PNPLA7: variants seen among roughly 807,000 people sequenced by gnomAD.
PNPLA7 encodes the protein patatin like domain 7, lysophospholipase, also known as patatin-like phospholipase domain-containing protein 7.
A neutral mutation model predicts 161.7 loss-of-function variants in PNPLA7; 153 were observed. That is an observed-to-expected ratio of 0.95 (90% CI 0.83 to 1.08). The LOEUF (loss-of-function observed/expected upper bound fraction) is 1.08, where lower values mean the gene tolerates loss of function less well. PNPLA7 is among the 50% of genes least tolerant of loss of function. PNPLA7 has a pLI of 0.00. For synonymous variants in PNPLA7, 809 were observed against 782.1 expected (o/e 1.03, Z -0.57); for missense variants, 1,739 against 1,856.6 (o/e 0.94, Z 1.16).
At chr9:137,505,163 G>C (rs1023450686) in intron 14 of PNPLA7, among the ~76,000 whole-genome samples, 1 of 133,924 alleles carries the variant, frequency 7.5e-6, no homozygotes, top group African/African-American at 2.8e-5. Flanking sequence ...ACTCCAGCCT[G>C]GGCGATACTG....
intron 31 of PNPLA7, 52 bp downstream of exon 31, chr9:137,462,127 G>T: frequency 2.6e-6 from 4 of 1,526,814 alleles, no homozygotes; most frequent in Non-Finnish European, 3.5e-6. Flanking sequence ...AGGAGGGGCA[G>T]CCACCAGAGT....
intron 12 of PNPLA7, among the ~76,000 whole-genome samples, chr9:137,508,143 T>C (rs1287614947): frequency 1.3e-5 from 2 of 151,900 alleles, no homozygotes; most frequent in Non-Finnish European, 2.9e-5. Context: ...GGTGGATCAT[T>C]TGAGCCCAGG....
chr9:137,542,403 C>T (rs1391790066), intron 7 of PNPLA7, among the ~76,000 whole-genome samples: 2 of 152,090 alleles, frequency 1.3e-5, no homozygotes, highest in Non-Finnish European at 2.9e-5. Flanking sequence ...CCCAGGAAGT[C>T]CAGGCCTCAG....
At chr9:137,512,258 G>A (rs1834277179) in intron 12 of PNPLA7, among the ~76,000 whole-genome samples, 1 of 152,384 alleles carries the variant, frequency 6.6e-6, no homozygotes, top group South Asian at 2.1e-4. Context: ...ACGCACAGAC[G>A]TAAACATTCA....
At chr9:137,534,977 A>G (rs577857880) in intron 8 of PNPLA7, among the ~76,000 whole-genome samples, 1 of 152,212 alleles carries the variant, frequency 6.6e-6, no homozygotes, top group East Asian at 1.9e-4. Flanking sequence ...AGTCCCTCCA[A>G]CCGCACGTTT....
At chr9:137,464,973 T>C (rs1208942376) in intron 26 of PNPLA7, among the ~76,000 whole-genome samples, 1 of 152,010 alleles carries the variant, frequency 6.6e-6, no homozygotes, top group Non-Finnish European at 1.5e-5. Flanking sequence ...TCTCTTGGGT[T>C]CCTTCTGGGT....
chr9:137,514,336 C>CT, intron 12 of PNPLA7, among the ~76,000 whole-genome samples: 1 of 76,344 alleles, frequency 1.3e-5, no homozygotes, highest in Non-Finnish European at 2.6e-5. Context: ...GCCCGGGCCC[C>CT]GTGGCCGGGC....
In PNPLA7 at chr9:137,505,693, T is replaced by C. The variant is rs1428506406; in HGVS notation, c.1394A>G (p.Asp465Gly). ...TVSQHSESHT[D>G]ETLASRKSDA... ...CGACTTCCTGCTGGCCAGGGTCTCA[T>C]CCGTGTGACTCTCTGAGTGCTGGGA... The change falls in exon 14 of 35, where the codon GAT (aspartate) becomes GGT (glycine). Residue 465 changes from aspartate to glycine, a missense_variant. By Grantham distance (94) the Asp-to-Gly change is moderately conservative. This residue lies in a region of PNPLA7 where 481 missense variants were observed against 450.0 expected (regional missense o/e 1.07). Coordinates refer to ENST00000406427, the MANE Select transcript of PNPLA7 (RefSeq NM_001098537.3). 10 of 1,614,004 alleles carry C rather than the reference T, an allele frequency of 6.2e-6. No individual in the cohort carries two copies. Among genetic ancestry groups the C allele is most frequent in the Non-Finnish European group, 8.5e-6 (10 of 1,180,038 alleles).
At chr9:137,546,775 A>C in intron 4 of PNPLA7, 55 bp downstream of exon 4, 1 of 1,560,216 alleles carries the variant, frequency 6.4e-7, no homozygotes, top group Non-Finnish European at 8.8e-7. Flanking sequence ...GGTCCCTCCC[A>C]CAGGGGCCTG....
In PNPLA7 at chr9:137,520,128, G is replaced by T; in HGVS notation, c.958-85C>A. 6.4e-7 allele frequency: 1 copy of T among 1,568,688 alleles called. No homozygotes were observed. Among genetic ancestry groups the T allele is most frequent in the South Asian group, 1.2e-5 (1 of 86,732 alleles). ...TGTGGGCTCCTCAAAGGTGTGACAG[G>T]TGTGGGCTCCTCAAAGGTGTGACAG... is the stretch of plus-strand genomic sequence containing the variant. On this transcript the variant is annotated intron_variant, in intron 10 of 34. Transcript: ENST00000406427. This position sits in a 1 kb window ranked among gnomAD's most constrained non-coding sequence, Gnocchi z 5.2.
chr9:137,484,895 C>T (rs967612734), intron 20 of PNPLA7, among the ~76,000 whole-genome samples, 159 bp from the exon 21 acceptor site: 36 of 151,706 alleles, frequency 2.4e-4, no homozygotes, highest in African/African-American at 7.5e-4. Context: ...CTGGCCCTCC[C>T]GCCTCCCCAG....
chr9:137,462,434 G>C, intron 30 of PNPLA7, 103 bp from the exon 31 acceptor site: 1 of 1,500,396 alleles, frequency 6.7e-7, no homozygotes, highest in Non-Finnish European at 8.9e-7. Context: ...CTCTGGGGTA[G>C]GTAGGTTCTG....
Position 137,541,386 on chromosome 9 carries a change from A to G in PNPLA7, c.667-664T>C. The G allele has an allele frequency of 1.0e-6, 1 of 982,070 alleles. No homozygotes were observed. Among genetic ancestry groups the G allele is most frequent in the Non-Finnish European group, 1.2e-6 (1 of 826,960 alleles). The allele number at this position is 982,070 out of a possible 1,614,324, so 60.8% of individuals were successfully genotyped here. A position where few individuals can be genotyped will look rare whatever the true frequency, so the allele number is the denominator to read the frequency against. ...AAGCCCCTTTCCCTTCTAATAACCC[A>G]TCAAGTCCAGCCACAGACAAAGCGA... On this transcript the variant is annotated intron_variant, in intron 7 of 34. Transcript: ENST00000406427. This position sits in a 1 kb window ranked among gnomAD's most constrained non-coding sequence, Gnocchi z 4.4.
In PNPLA7 at chr9:137,501,689, G is replaced by T; in HGVS notation, c.1512C>A (p.His504Gln). The T allele has an allele frequency of 6.2e-7, 1 of 1,612,602 alleles. No individual in the cohort carries two copies. The highest frequency in any genetic ancestry group is 8.5e-7 in the Non-Finnish European group (1 of 1,179,880). ...SLLDGRVALLHVPAGTVVSRQ... is the reference protein window; with the variant it reads ...SLLDGRVALLQVPAGTVVSRQ... ...TTGACACCACCGTGCCTGCAGGAACGTGCAGAAGCGCCACCCGGCCATCCA... is the reference window on the plus strand; with the variant it reads ...TTGACACCACCGTGCCTGCAGGAACTTGCAGAAGCGCCACCCGGCCATCCA... Residue 504 changes from histidine (H) to glutamine (Q), a missense_variant, in exon 15 of 35, where the codon CAC (histidine) becomes CAA (glutamine). His to Gln is a conservative substitution (Grantham distance 24). Around this residue, in one of 6 missense-constraint regions of PNPLA7, gnomAD observed 481 missense variants for 450.0 expected, o/e 1.07. Coordinates refer to ENST00000406427, the MANE Select transcript of PNPLA7 (RefSeq NM_001098537.3).
At position 137,467,311 on chromosome 9, in the gene PNPLA7, G is replaced by C; in HGVS notation, c.3039+6C>G. 6.2e-7 allele frequency: 1 copy of C among 1,610,892 alleles called. No homozygotes were observed. The highest frequency in any genetic ancestry group is 8.5e-7 in the Non-Finnish European group (1 of 1,178,612). Reference sequence around the variant, plus strand: ...GCTCCGGTGAGGGTGATGGGTGCCTGCTTACCTCGGCCCACTGCTTGGCCC... The same window carrying C: ...GCTCCGGTGAGGGTGATGGGTGCCTCCTTACCTCGGCCCACTGCTTGGCCC... On this transcript the variant is annotated splice_donor_region_variant and intron_variant, in intron 26 of 34. Coordinates refer to ENST00000406427, the MANE Select transcript of PNPLA7 (RefSeq NM_001098537.3). This position sits in a 1 kb window ranked among gnomAD's most constrained non-coding sequence, Gnocchi z 5.1.
At chr9:137,548,756 G>A (rs1836682627) in intron 1 of PNPLA7, among the ~76,000 whole-genome samples, 1 of 152,096 alleles carries the variant, frequency 6.6e-6, no homozygotes, top group African/African-American at 2.4e-5. Context: ...TCAAAAAAAA[G>A]AAAACTCAGG....
At chr9:137,530,606 T>G (rs1835537997) in intron 8 of PNPLA7, among the ~76,000 whole-genome samples, 1 of 152,256 alleles carries the variant, frequency 6.6e-6, no homozygotes, top group Non-Finnish European at 1.5e-5. Flanking sequence ...AAGAATTGTT[T>G]TCTGCATTCT....
Position 137,543,704 on chromosome 9 carries a change from G to A in PNPLA7, c.365+20C>T. 5.6e-6 allele frequency: 9 copies of A among 1,613,184 alleles called. No individual in the cohort carries two copies. The highest frequency in any genetic ancestry group is 7.6e-6 in the Non-Finnish European group (9 of 1,179,188). On this transcript the variant is annotated intron_variant, in intron 5 of 34. Transcript: ENST00000406427. This position sits in a 1 kb window ranked among gnomAD's most constrained non-coding sequence, Gnocchi z 6.9. ...TGGGGGGCACCTGGGGCAGGATGTG[G>A]TCTGAAGGACACACAGTACCTCTTG...
Position 137,541,718 on chromosome 9 carries a change from G to A in PNPLA7, c.666+924C>T, listed in dbSNP as rs73569746. On this transcript the variant is annotated intron_variant, in intron 7 of 34. Coordinates refer to ENST00000406427, the MANE Select transcript of PNPLA7 (RefSeq NM_001098537.3). The surrounding 1 kb of genome is among the most constrained non-coding windows in gnomAD (Gnocchi z 4.4). ...GGCCCAGCACCCACCCCCGAGCAGC[G>A]ATTCAAAGGGTGGAATTTAACAGAG... 2.0e-5 allele frequency among the ~76,000 whole-genome samples: 3 copies of A among 152,194 alleles called. No homozygotes were observed. The highest frequency in any genetic ancestry group is 2.9e-5 in the Non-Finnish European group (2 of 68,032).
Sources: allele counts gnomAD v4.1 joint callset (sites outside exome capture counted in the v4.1 genomes callset), GRCh38; gene constraint gnomAD v4.1.1; regional missense constraint gnomAD v4.1.1; non-coding constraint Gnocchi (gnomAD v3.1); transcripts MANE v1.5; gene names NCBI Gene and HGNC (gene_info 2026-07-23, HGNC 2026-07-21).